The following SYNE2 variants were observed in gnomAD, a reference collection of about 807,000 sequenced individuals.
SYNE2 encodes spectrin repeat containing nuclear envelope protein 2.
SYNE2 carries 431 observed loss-of-function variants against 856.3 expected under a neutral mutation model. The ratio of observed to expected loss-of-function variants is 0.50; its 90% CI spans 0.47 to 0.55. The LOEUF is 0.55. Among genes scored for constraint, SYNE2 ranks in the 20% least tolerant of loss-of-function variants. The pLI, the probability that SYNE2 is intolerant of heterozygous loss-of-function variation, is 0.00. For missense variants in SYNE2, 8,129 were observed against 8,023.2 expected (o/e 1.01, Z -0.50); for synonymous variants, 2,923 against 2,872.3 (o/e 1.02, Z -0.56).
intron 1 of SYNE2, among the ~76,000 whole-genome samples, chr14:63,846,574 G>GT (rs140162098): frequency 0.58 from 86,654 of 150,096 alleles, 25,500 homozygotes; most frequent in South Asian, 0.69. Flanking sequence ...ATTTATTCAG[G>GT]TTTTTTTTTC....
At chr14:63,855,538 C>G (rs1289443184) in intron 1 of SYNE2, among the ~76,000 whole-genome samples, 1 of 152,162 alleles carries the variant, frequency 6.6e-6, no homozygotes, top group Non-Finnish European at 1.5e-5. Flanking sequence ...TGGAATGACC[C>G]CCTGTCCCTA....
At chr14:64,022,655 A>G (rs2153534728) in intron 37 of SYNE2, 96 bp from the exon 38 acceptor site, 1 of 746,560 alleles carries the variant, frequency 1.3e-6, no homozygotes, top group South Asian at 1.5e-5. Flanking sequence ...AACGATGTAT[A>G]TCTATGGCAT....
chr14:64,023,587 C>T lies in SYNE2; in HGVS notation c.5638-670C>T, dbSNP rs1329382753. ...TAAAAATTGCCGCTGAACTTCAGTA[C>T]ATTTCTGGTTGGAACGTAGTGGAGG... On this transcript the variant is annotated intron_variant, in intron 38 of 115. Transcript: ENST00000555002. 5 of 152,794 alleles carry T rather than the reference C, an allele frequency of 3.3e-5. No homozygotes were observed. The East Asian group carries it at 9.6e-4, about 29-fold the overall frequency. 9.5% of individuals were successfully genotyped at this position (152,794 alleles called of 1,614,324 possible). A position where few individuals can be genotyped will look rare whatever the true frequency, so the allele number is the denominator to read the frequency against.
chr14:63,839,402 A>T (rs988905446), intron 1 of SYNE2, among the ~76,000 whole-genome samples: 18 of 152,028 alleles, frequency 1.2e-4, no homozygotes, highest in Non-Finnish European at 2.5e-4. Flanking sequence ...AATTTTTCTG[A>T]TTACTAATAA....
chr14:63,913,466 C>CTTTCT (rs551498099), intron 2 of SYNE2, among the ~76,000 whole-genome samples: 1 of 139,598 alleles, frequency 7.2e-6, no homozygotes, highest in African/African-American at 2.6e-5. Context: ...TTCTTTCTTT[C>CTTTCT]TTTTTTTTTT....
At chr14:64,086,227 G>A (rs1389239764) in intron 57 of SYNE2, among the ~76,000 whole-genome samples, 2 of 151,894 alleles carry the variant, frequency 1.3e-5, no homozygotes, top group African/African-American at 4.8e-5. Context: ...TTTTCCATGG[G>A]GATATCCAAT....
At chr14:64,083,581 G>C (rs1369488526) in intron 57 of SYNE2, among the ~76,000 whole-genome samples, 1 of 152,124 alleles carries the variant, frequency 6.6e-6, no homozygotes, top group Non-Finnish European at 1.5e-5. Context: ...GGAAGGCTCG[G>C]GTTTATTTCT....
chr14:63,979,926 A>G (rs1566962618), intron 14 of SYNE2, among the ~76,000 whole-genome samples: 1 of 151,870 alleles, frequency 6.6e-6, no homozygotes, highest in Non-Finnish European at 1.5e-5. Flanking sequence ...AATAGAAATG[A>G]GGGGGGGAAG....
chr14:64,086,399 T>C (rs181886890), intron 57 of SYNE2, among the ~76,000 whole-genome samples: 3 of 152,338 alleles, frequency 2.0e-5, no homozygotes, highest in African/African-American at 7.2e-5. Context: ...TTCATTACTA[T>C]AGCTTTACAG....
At chr14:63,884,451 A>T (rs17101419) in intron 1 of SYNE2, among the ~76,000 whole-genome samples, 8,808 of 152,212 alleles carry the variant, frequency 0.058, 269 homozygotes, top group Middle Eastern at 0.11. Flanking sequence ...TACAAAGAAG[A>T]AAGCGGTACT....
At chr14:63,800,232 T>A (rs12588977) in intron 1 of SYNE2, among the ~76,000 whole-genome samples, 2 of 148,718 alleles carry the variant, frequency 1.3e-5, no homozygotes, top group African/African-American at 4.9e-5. Context: ...GGTTTTTTGG[T>A]TTTTTTTTTG....
Position 63,980,667 on chromosome 14 carries a change from A to G in SYNE2, c.1583A>G (p.Glu528Gly). 1 of 1,599,804 alleles carries G rather than the reference A, an allele frequency of 6.3e-7. No homozygotes were observed. Among genetic ancestry groups the G allele is most frequent in the Non-Finnish European group, 8.6e-7 (1 of 1,167,564 alleles). ...TTTTCTTCCCAGAAATTTATTGAAG[A>G]AAAAGAATTCCTAGCTCGACTTGAT... is the stretch of plus-strand genomic sequence containing the variant. Reference protein sequence around the residue: ...LLEDWHKFIEEKEFLARLDTS... With the variant: ...LLEDWHKFIEGKEFLARLDTS... The change falls in exon 15 of 116, where the codon GAA becomes GGA. Residue 528 changes from glutamate to glycine, a missense_variant. Physicochemically the swap from Glu to Gly is moderately conservative, Grantham distance 98. This residue lies in a region of SYNE2 where 2,422 missense variants were observed against 2,357.4 expected (regional missense o/e 1.03). Coordinates refer to ENST00000555002, the MANE Select transcript of SYNE2 (RefSeq NM_182914.3).
Position 64,130,047 on chromosome 14 carries a change from G to A in SYNE2, c.14140-1G>A. On this transcript the variant is annotated splice_acceptor_variant, in intron 75 of 115. Coordinates refer to ENST00000555002, the MANE Select transcript of SYNE2 (RefSeq NM_182914.3). LOFTEE classifies it high-confidence loss of function. ...GTGTGCACCTGCTCTTCTCTTTTCA[G>A]GATGTACTTGACAGTATGTGGGGAA... 6.2e-7 allele frequency: 1 copy of A among 1,613,696 alleles called. No homozygotes were observed.
chr14:64,091,291 G>T (rs550638480), intron 60 of SYNE2, among the ~76,000 whole-genome samples: 3 of 152,258 alleles, frequency 2.0e-5, no homozygotes, highest in Non-Finnish European at 2.9e-5. Flanking sequence ...ACCTACATGG[G>T]CAAAATGCTG....
upstream of SYNE2, among the ~76,000 whole-genome samples, chr14:63,850,969 C>T (rs1213909308): frequency 6.6e-6 from 1 of 152,136 alleles, no homozygotes; most frequent in Non-Finnish European, 1.5e-5. Context: ...GCAGACAATG[C>T]TTTGTATACA....
At chr14:64,025,601 G>A (rs917093633) in intron 41 of SYNE2, among the ~76,000 whole-genome samples, 180 bp downstream of exon 41, 6 of 152,190 alleles carry the variant, frequency 3.9e-5, no homozygotes, top group Non-Finnish European at 7.3e-5. Flanking sequence ...AAATTACTTG[G>A]ATGCACATGA....
intron 84 of SYNE2, among the ~76,000 whole-genome samples, chr14:64,149,154 A>C (rs75578219): frequency 5.9e-5 from 9 of 151,584 alleles, no homozygotes; most frequent in Admixed American, 5.9e-4. Context: ...AAAAAAAAAA[A>C]GTTATCTGGG....
In SYNE2 at chr14:64,016,609, T is replaced by C. The variant is rs758633075; in HGVS notation, c.4865T>C (p.Ile1622Thr). 6.3e-7 allele frequency: 1 copy of C among 1,597,282 alleles called. No homozygotes were observed. The highest frequency in any genetic ancestry group is 1.1e-5 in the South Asian group (1 of 88,268). The change falls in exon 33 of 116, where the codon ATT becomes ACT. Residue 1622 changes from isoleucine to threonine, a missense_variant. This residue lies in a region of SYNE2 where 2,422 missense variants were observed against 2,357.4 expected (regional missense o/e 1.03). Transcript: ENST00000555002. ...CCCCCTTTTGAAAAAGAGGCTAATA[T>C]TATTGTGGATAGATGGCTTGATGTA... ...EEPPFEKEAN[I>T]IVDRWLDINE...
chr14:63,990,264 A>G, intron 19 of SYNE2, 147 bp from the exon 20 acceptor site: 1 of 668,504 alleles, frequency 1.5e-6, no homozygotes, highest in Non-Finnish European at 2.6e-6. Context: ...TTTCAAAATG[A>G]CTCCTTAAAA....
Sources: gnomAD v4.1 joint callset for allele counts (sites outside exome capture counted in the v4.1 genomes callset) on GRCh38, gnomAD v4.1.1 for gene constraint, gnomAD v4.1.1 regional missense constraint, MANE v1.5 for transcripts, NCBI Gene and HGNC (gene_info 2026-07-23, HGNC 2026-07-21) for gene names.